Variants in BRD8 observed in about 807,000 individuals in gnomAD.
The protein encoded by BRD8 is bromodomain containing 8, also known as bromodomain-containing protein 8.
BRD8 carries 67 observed loss-of-function variants against 143.1 expected under a neutral mutation model. The observed-to-expected ratio is 0.47, with a 90% CI of 0.38 to 0.57. The LOEUF is 0.57. Ranked by LOEUF, BRD8 falls within the 20% of genes least tolerant of loss-of-function variation. The pLI is 0.00. For synonymous variants in BRD8, 505 were observed against 517.1 expected (o/e 0.98, Z 0.32); for missense variants, 1,103 against 1,503.0 (o/e 0.73, Z 4.40).
chr5:138,164,558 A>G (rs1753245762), intron 12 of BRD8, 145 bp from the exon 13 acceptor site: 5 of 1,105,286 alleles, frequency 4.5e-6, no homozygotes, highest in South Asian at 1.4e-5. Context: ...CTTAACAGGA[A>G]TAAGTATATA....
At chr5:138,168,560 CT>C in intron 8 of BRD8, 1 of 1,610,028 alleles carries the variant, frequency 6.2e-7, no homozygotes, top group Non-Finnish European at 8.5e-7. Context: ...GTCCAAGCAT[CT>C]TTTTCTGGGG....
Position 138,164,811 on chromosome 5 carries a change from T to C in BRD8, c.1634A>G (p.Asp545Gly). 1 of 1,614,222 alleles carries C rather than the reference T, an allele frequency of 6.2e-7. No individual in the cohort carries two copies. The highest frequency in any genetic ancestry group is 8.5e-7 in the Non-Finnish European group (1 of 1,180,020). ...EPPELRSQDL[D>G]EELGSTAAGE... ...AGCTGCAGTACTTCCCAGTTCCTCA[T>C]CTAAGTCCTGACTCCTGAGTTCTGG... Residue 545 changes from aspartate to glycine, a missense_variant, in exon 12 of 27, where the codon GAT becomes GGT. Transcript: ENST00000254900.
intron 2 of BRD8, among the ~76,000 whole-genome samples, chr5:138,174,156 TTG>T (rs56254005): frequency 0.012 from 1,750 of 149,564 alleles, 21 homozygotes; most frequent in African/African-American, 0.029. Flanking sequence ...CAGTATTCCA[TTG>T]TGTGTGTGTG....
chr5:138,147,997 T>C (rs981774422), intron 23 of BRD8, among the ~76,000 whole-genome samples: 3 of 151,696 alleles, frequency 2.0e-5, no homozygotes, highest in African/African-American at 7.3e-5. Flanking sequence ...CCCATTAAGA[T>C]TTGAAAATGT....
At position 138,149,761 on chromosome 5, in the gene BRD8, C is replaced by G. The variant is rs758056191; in HGVS notation, c.3157G>C (p.Gly1053Arg). Reference sequence around the variant, plus strand: ...TCCATCTCTGACACATATACTTCACCCTGGTCCTCCCCTTTGGATTCTTGC... The same window carrying G: ...TCCATCTCTGACACATATACTTCACGCTGGTCCTCCCCTTTGGATTCTTGC... ...AQQESKGEDQ[G>R]EVYVSEMEDQ... The change falls in exon 23 of 27, where the codon GGT (glycine) becomes CGT (arginine). Residue 1053 changes from glycine (G) to arginine (R), a missense_variant. Physicochemically the swap from Gly to Arg is moderately radical, Grantham distance 125. Coordinates refer to ENST00000254900, the MANE Select transcript of BRD8 (RefSeq NM_139199.2). 1 of 1,611,936 alleles carries G rather than the reference C, an allele frequency of 6.2e-7. No homozygotes were observed. Among genetic ancestry groups the G allele is most frequent in the East Asian group, 2.2e-5 (1 of 44,838 alleles).
Position 138,163,201 on chromosome 5 carries a change from G to C in BRD8, c.2016C>G (p.Ser672Arg). 6.2e-7 allele frequency: 1 copy of C among 1,614,068 alleles called. No homozygotes were observed. The stretch of plus-strand genomic sequence containing the variant: ...GTGACTGCAGTGTAGCATTGTGTAT[G>C]CTGAAGCCATCATCACTCTCGCTCA... ...PPVSESDDGF[S>R]IHNATLQSHT... Residue 672 changes from serine to arginine, a missense_variant, in exon 15 of 27, where the codon AGC becomes AGG. Transcript: ENST00000254900.
rs755755634 is a variant in BRD8 at position 138,164,799 on chromosome 5, C to T, written c.1646G>A (p.Gly549Glu). 12 of 1,614,116 alleles carry T rather than the reference C, an allele frequency of 7.4e-6. No homozygotes were observed. The highest frequency in any genetic ancestry group is 4.0e-5 in the African/African-American group (3 of 74,934). ...AACAATCTCTCCAGCTGCAGTACTT[C>T]CCAGTTCCTCATCTAAGTCCTGACT... Reference protein sequence around the residue: ...LRSQDLDEELGSTAAGEIVEA... With the variant: ...LRSQDLDEELESTAAGEIVEA... The change falls in exon 12 of 27, where the codon GGA (glycine) becomes GAA (glutamate). Residue 549 changes from glycine (G) to glutamate (E), a missense_variant. This residue lies in a region of BRD8 where 139 missense variants were observed against 139.0 expected (regional missense o/e 1.00). Coordinates refer to ENST00000254900, the MANE Select transcript of BRD8 (RefSeq NM_139199.2).
chr5:138,141,356 C>T (rs1403915338), intron 25 of BRD8, among the ~76,000 whole-genome samples: 5 of 152,192 alleles, frequency 3.3e-5, no homozygotes, highest in African/African-American at 1.2e-4. Context: ...TCTCGAACTC[C>T]TAGCCTCAGG....
intron 2 of BRD8, among the ~76,000 whole-genome samples, chr5:138,175,540 C>CA (rs1433547665): frequency 5.4e-5 from 8 of 147,726 alleles, no homozygotes; most frequent in African/African-American, 2.0e-4. Context: ...CAACAAGTGA[C>CA]AAAAAACACA....
intron 20 of BRD8, 23 bp from the exon 21 acceptor site, chr5:138,152,783 G>T: frequency 1.9e-6 from 3 of 1,592,930 alleles, no homozygotes; most frequent in Non-Finnish European, 2.6e-6. Flanking sequence ...AGGAAAACAT[G>T]CATTAAATTC....
intron 20 of BRD8, among the ~76,000 whole-genome samples, chr5:138,154,830 C>CTTTT (rs200415636): frequency 1.5e-5 from 2 of 137,406 alleles, no homozygotes; most frequent in African/African-American, 2.7e-5. Flanking sequence ...AAGTTCATAA[C>CTTTT]TTTTTTTTTT....
At position 138,148,997 on chromosome 5, in the gene BRD8, T is replaced by A. The variant is rs184336995; in HGVS notation, c.3278+643A>T. 2.7e-3 allele frequency among the ~76,000 whole-genome samples: 413 copies of A among 151,738 alleles called. 1 individual carries two copies. The highest frequency in any genetic ancestry group is 3.6e-3 in the Non-Finnish European group (243 of 67,908). On this transcript the variant is annotated intron_variant, in intron 23 of 26. Transcript: ENST00000254900. ...GGGAGGATCCCTTGAGTTCAGGAAGTCAAGCTGCAGTGAGTCATGATCGTG... is the reference window on the plus strand; with the variant it reads ...GGGAGGATCCCTTGAGTTCAGGAAGACAAGCTGCAGTGAGTCATGATCGTG...
chr5:138,150,628 C>T, intron 22 of BRD8, 117 bp downstream of exon 22: 2 of 1,210,858 alleles, frequency 1.7e-6, no homozygotes, highest in South Asian at 3.3e-5. Flanking sequence ...GTGCTAAATC[C>T]AGGATTTGGA....
intron 14 of BRD8, chr5:138,163,609 T>C: frequency 7.0e-7 from 1 of 1,430,872 alleles, no homozygotes; most frequent in Non-Finnish European, 9.2e-7. Flanking sequence ...TAAGAGGCGT[T>C]CCTTCTTTCC....
intron 2 of BRD8, among the ~76,000 whole-genome samples, chr5:138,173,124 G>A (rs548015714): frequency 3.0e-4 from 45 of 152,208 alleles, no homozygotes; most frequent in Admixed American, 6.5e-4. Flanking sequence ...ATGGCTGGGC[G>A]TGGTGACTCA....
chr5:138,175,179 C>T (rs556854278), intron 2 of BRD8, among the ~76,000 whole-genome samples: 31 of 152,228 alleles, frequency 2.0e-4, no homozygotes, highest in African/African-American at 7.5e-4. Context: ...CCACTGCGCC[C>T]GGCCTTAAAC....
At chr5:138,147,716 G>A (rs578020677) in intron 23 of BRD8, among the ~76,000 whole-genome samples, 49 of 152,220 alleles carry the variant, frequency 3.2e-4, no homozygotes, top group African/African-American at 1.0e-3. Context: ...GCAGGGGATC[G>A]CTTGAGTCCA....
chr5:138,149,731 G>C lies in BRD8; in HGVS notation c.3187C>G (p.Gln1063Glu), dbSNP rs535296955. 5 of 1,613,674 alleles carry C rather than the reference G, an allele frequency of 3.1e-6. No individual in the cohort carries two copies. The highest frequency in any genetic ancestry group is 1.3e-5 in the African/African-American group (1 of 74,904). Reference protein sequence around the residue: ...GEVYVSEMEDQPPSGECDDAF... With the variant: ...GEVYVSEMEDEPPSGECDDAF... ...TCATCACACTCGCCTGAAGGGGGCT[G>C]GTCTTCCATCTCTGACACATATACT... The change falls in exon 23 of 27, where the codon CAG (glutamine) becomes GAG (glutamate). Residue 1063 changes from glutamine (Q) to glutamate (E), a missense_variant. By Grantham distance (29) the Gln-to-Glu change is conservative (BLOSUM62 2). This residue lies in a region of BRD8 where 369 missense variants were observed against 445.5 expected (regional missense o/e 0.83). Coordinates refer to ENST00000254900, the MANE Select transcript of BRD8 (RefSeq NM_139199.2).
intron 15 of BRD8, 138 bp downstream of exon 15, chr5:138,162,992 G>GA (rs1438344113): frequency 2.5e-6 from 2 of 795,902 alleles, no homozygotes; most frequent in Non-Finnish European, 3.9e-6. Context: ...GTGAGAACAA[G>GA]AAAAAAGAGA....
Sources: allele counts gnomAD v4.1 joint callset (sites outside exome capture counted in the v4.1 genomes callset), GRCh38; gene constraint gnomAD v4.1.1; regional missense constraint gnomAD v4.1.1; transcripts MANE v1.5; gene names NCBI Gene and HGNC (gene_info 2026-07-23, HGNC 2026-07-21).